The following BMP6 variants were observed in gnomAD, a reference collection of about 807,000 sequenced individuals.
BMP6 encodes VG-1-R.
BMP6 carries 17 observed loss-of-function variants against 54.1 expected under a neutral mutation model. That is an observed-to-expected ratio of 0.31 (90% CI 0.22 to 0.47). The LOEUF is 0.47. Ranked by LOEUF, BMP6 falls within the 20% of genes least tolerant of loss-of-function variation. The probability of loss-of-function intolerance (pLI) is 1.00; values close to 1 mark genes in which losing one functional copy is unlikely to be tolerated. For synonymous variants in BMP6, 328 were observed against 291.2 expected, an observed-to-expected ratio of 1.13 and a Z score of -1.28; for missense variants, 720 against 690.4, an observed-to-expected ratio of 1.04 and a Z score of -0.48.
At chr6:7,741,438 G>A (rs1238776332) in intron 1 of BMP6, among the ~76,000 whole-genome samples, 2 of 151,246 alleles carry the variant, frequency 1.3e-5, no homozygotes, top group African/African-American at 4.9e-5. Flanking sequence ...TGGACTACTA[G>A]GCGTGTACCA....
At chr6:7,747,041 G>A (rs760328502) in intron 1 of BMP6, among the ~76,000 whole-genome samples, 4 of 152,156 alleles carry the variant, frequency 2.6e-5, no homozygotes, top group Non-Finnish European at 5.9e-5. Context: ...CCTTCTGAAC[G>A]AATCCCATAA....
intron 1 of BMP6, among the ~76,000 whole-genome samples, chr6:7,775,070 T>C (rs1757843776): frequency 1.3e-5 from 2 of 152,202 alleles, no homozygotes; most frequent in South Asian, 4.1e-4. Flanking sequence ...ATTAATCCAT[T>C]CATGAAGGCA....
At position 7,826,827 on chromosome 6, in the gene BMP6, G is replaced by A. The variant is rs76093586; in HGVS notation, c.665-18313G>A. ...CAGTCCTGTGTGTTTGCCTATCCAC[G>A]CTGCATGGCTGATTCCTTTCTTGAT... On this transcript the variant is annotated intron_variant, in intron 1 of 6. Coordinates refer to ENST00000283147, the MANE Select transcript of BMP6 (RefSeq NM_001718.6). Among the ~76,000 whole-genome samples, 1,250 of 152,172 alleles carry A rather than the reference G, an allele frequency of 8.2e-3. 23 individuals are homozygous for A. Among genetic ancestry groups the A allele is most frequent in the African/African-American group, 0.029 (1,205 of 41,454 alleles).
intron 1 of BMP6, among the ~76,000 whole-genome samples, chr6:7,777,855 GC>G (rs1331505513): frequency 6.6e-6 from 1 of 152,046 alleles, no homozygotes; most frequent in African/African-American, 2.4e-5. Flanking sequence ...ACTCTCCCAA[GC>G]GACAAACACT....
At chr6:7,811,507 T>A (rs1758435607) in intron 1 of BMP6, among the ~76,000 whole-genome samples, 1 of 152,224 alleles carries the variant, frequency 6.6e-6, no homozygotes, top group Admixed American at 6.5e-5. Context: ...GGCAAATGTA[T>A]GTTCCCGGAG....
intron 1 of BMP6, among the ~76,000 whole-genome samples, chr6:7,813,458 C>CAAAAA (rs58314970): frequency 1.5e-3 from 94 of 63,860 alleles, no homozygotes; most frequent in African/African-American, 2.5e-3. Context: ...CCTGTCTCTA[C>CAAAAA]AAAAAAAAAA....
rs140097526 is a variant in BMP6, at chr6:7,798,912, G to A, written c.665-46228G>A. On this transcript the variant is annotated intron_variant, in intron 1 of 6. Coordinates refer to ENST00000283147, the MANE Select transcript of BMP6 (RefSeq NM_001718.6). ...ACGCCAGAGTGATACAGAGAAACTCGGAACGTGGTCACCAGTGGGCCTTCT... is the reference window on the plus strand; with the variant it reads ...ACGCCAGAGTGATACAGAGAAACTCAGAACGTGGTCACCAGTGGGCCTTCT... Among the ~76,000 whole-genome samples the A allele has an allele frequency of 8.7e-4, 132 of 152,266 alleles. 1 individual carries two copies. Among genetic ancestry groups the A allele is most frequent in the Admixed American group, 5.2e-3 (80 of 15,294 alleles).
At chr6:7,843,255 T>C (rs1759005263) in intron 1 of BMP6, among the ~76,000 whole-genome samples, 1 of 150,830 alleles carries the variant, frequency 6.6e-6, no homozygotes, top group African/African-American at 2.5e-5. Context: ...TTATTCTTTT[T>C]TAACCCTCAA....
At position 7,880,434 on chromosome 6, in the gene BMP6, G is replaced by A. The variant is rs1759698359; in HGVS notation, c.*91G>A. The A allele has an allele frequency of 6.6e-7, 1 of 1,522,130 alleles. No homozygotes were observed. Among genetic ancestry groups the A allele is most frequent in the Non-Finnish European group, 9.0e-7 (1 of 1,112,186 alleles). The allele number at this position is 1,522,130 out of a possible 1,614,324, so 94.3% of individuals were successfully genotyped here. On this transcript the variant is annotated 3_prime_UTR_variant, in exon 7 of 7. Coordinates refer to ENST00000283147, the MANE Select transcript of BMP6 (RefSeq NM_001718.6). ...AACACGGAAGCACAGTTGGAGGTGG[G>A]ACGATGAGACTTTGAAACTATCTCA...
chr6:7,790,676 A>G (rs1474364967), intron 1 of BMP6, among the ~76,000 whole-genome samples: 1 of 152,066 alleles, frequency 6.6e-6, no homozygotes, highest in Non-Finnish European at 1.5e-5. Context: ...CAGCAGGTTG[A>G]TGGTGTTGGC....
At chr6:7,795,655 A>G (rs980503559) in intron 1 of BMP6, among the ~76,000 whole-genome samples, 3 of 152,128 alleles carry the variant, frequency 2.0e-5, no homozygotes, top group African/African-American at 7.2e-5. Flanking sequence ...CATGGGATAG[A>G]ACTTGGAGAA....
rs1757451227 is a variant in BMP6 at position 7,753,080 on chromosome 6, G to A, written c.664+25461G>A. Among the ~76,000 whole-genome samples, 3 of 152,212 alleles carry A rather than the reference G, an allele frequency of 2.0e-5. No individual in the cohort carries two copies. In the South Asian group the frequency reaches 6.2e-4, roughly 32 times the overall value. On this transcript the variant is annotated intron_variant, in intron 1 of 6. Coordinates refer to ENST00000283147, the MANE Select transcript of BMP6 (RefSeq NM_001718.6). ...TGCTGATGTTAAAAAAAAAATACTG[G>A]TTGGAGTCCAAAGTAATTTTAGACA...
intron 1 of BMP6, among the ~76,000 whole-genome samples, chr6:7,773,960 C>T (rs1478196082): frequency 6.6e-6 from 1 of 152,140 alleles, no homozygotes; most frequent in African/African-American, 2.4e-5. Context: ...TATGAAAGGG[C>T]CAGGAGCCCT....
chr6:7,800,079 G>GT (rs1758246939), intron 1 of BMP6, among the ~76,000 whole-genome samples: 1 of 145,066 alleles, frequency 6.9e-6, no homozygotes, highest in Non-Finnish European at 1.5e-5. Flanking sequence ...TAAAGGAAGG[G>GT]GTGTGTGTGT....
At chr6:7,803,384 T>C (rs1758300889) in intron 1 of BMP6, among the ~76,000 whole-genome samples, 1 of 152,188 alleles carries the variant, frequency 6.6e-6, no homozygotes, top group African/African-American at 2.4e-5. Flanking sequence ...TAGACACCAC[T>C]ACCACATTAA....
chr6:7,760,886 T>G (rs1451922077), intron 1 of BMP6, among the ~76,000 whole-genome samples: 1 of 152,204 alleles, frequency 6.6e-6, no homozygotes, highest in East Asian at 1.9e-4. Context: ...GCCTCCAAAA[T>G]GAGTTTTCTT....
At position 7,775,555 on chromosome 6, in the gene BMP6, T is replaced by C. The variant is rs79008499; in HGVS notation, c.664+47936T>C. The stretch of plus-strand genomic sequence containing the variant: ...TGTAAGAATAATGTTTGTAATTATC[T>C]CCTAGTGATTAAAATAGGAGGAAGA... On this transcript the variant is annotated intron_variant, in intron 1 of 6. Transcript: ENST00000283147. Among the ~76,000 whole-genome samples, 461 of 152,356 alleles carry C rather than the reference T, an allele frequency of 3.0e-3. 3 individuals are homozygous for C. Among genetic ancestry groups the C allele is most frequent in the African/African-American group, 0.01 (424 of 41,576 alleles).
At chr6:7,802,894 A>C (rs540962778) in intron 1 of BMP6, among the ~76,000 whole-genome samples, 2 of 152,150 alleles carry the variant, frequency 1.3e-5, no homozygotes, top group East Asian at 1.9e-4. Context: ...GGGGTCAGAC[A>C]CTCATTTATT....
intron 1 of BMP6, among the ~76,000 whole-genome samples, chr6:7,789,759 C>T (rs1172084829): frequency 2.0e-5 from 3 of 152,082 alleles, no homozygotes; most frequent in African/African-American, 7.2e-5. Flanking sequence ...CCTGGCTGGC[C>T]TTTTAAAAAT....
Sources: gnomAD v4.1 joint callset for allele counts (sites outside exome capture counted in the v4.1 genomes callset) on GRCh38, gnomAD v4.1.1 for gene constraint, MANE v1.5 for transcripts, NCBI Gene and HGNC (gene_info 2026-07-23, HGNC 2026-07-21) for gene names.